Variants in RBBP6 observed in about 807,000 individuals in gnomAD.
RBBP6 encodes the protein E3 ubiquitin-protein ligase RBBP6.
Under a neutral mutation model 167.7 loss-of-function variants are expected in RBBP6, and 25 were observed. The observed-to-expected ratio is 0.15, with a 90% CI of 0.11 to 0.21. The LOEUF is 0.21. RBBP6 is among the 10% of genes least tolerant of loss of function. RBBP6 has a pLI of 1.00. For missense variants in RBBP6, 1,868 were observed against 2,134.2 expected (o/e 0.88, Z 2.46); for synonymous variants, 789 against 735.8 (o/e 1.07, Z -1.17).
At chr16:24,550,365 TTTTTTG>T (rs1456339935) in intron 3 of RBBP6, among the ~76,000 whole-genome samples, 84 of 132,022 alleles carry the variant, frequency 6.4e-4, no homozygotes, top group Non-Finnish European at 1.4e-3. Flanking sequence ...TTTTTTTTGT[TTTTTTG>T]TTTTTTTTTT....
intron 8 of RBBP6, among the ~76,000 whole-genome samples, chr16:24,560,079 G>T (rs1041694055): frequency 6.8e-6 from 1 of 147,304 alleles, no homozygotes; most frequent in South Asian, 2.2e-4. Flanking sequence ...ATTTCTAAGT[G>T]TATTAACACC....
At chr16:24,553,420 A>T (rs2141463294) in intron 3 of RBBP6, 93 bp from the exon 4 acceptor site, 1 of 1,051,618 alleles carries the variant, frequency 9.5e-7, no homozygotes, top group Non-Finnish European at 1.4e-6. Context: ...AATGCCCAAT[A>T]TTTCAACATT....
Position 24,569,564 on chromosome 16 carries a change from G to A in RBBP6, c.2874G>A (p.Arg958=), listed in dbSNP as rs35016549. 1.2e-3 allele frequency: 1,951 copies of A among 1,612,308 alleles called. 2 individuals carry two copies. Among genetic ancestry groups the A allele is most frequent in the Non-Finnish European group, 1.4e-3 (1,699 of 1,179,562 alleles). The change falls in exon 17 of 18, where the codon AGG becomes AGA. Residue 958 remains arginine, a synonymous_variant. Transcript: ENST00000319715. ...ACCCAGAGTTATTAGAGACTTCTAG[G>A]AAATCAAGAGAACCTACAGGTGTTG... The part of the protein sequence containing the change: ...FLNPELLETS[R]KSREPTGVEE...
At position 24,539,633 on chromosome 16, in the gene RBBP6, G is replaced by C. The variant is rs1567267914; in HGVS notation, c.-994G>C. The C allele has an allele frequency of 6.6e-6, 1 of 152,188 alleles. No homozygotes were observed. Among genetic ancestry groups the C allele is most frequent in the Non-Finnish European group, 1.5e-5 (1 of 68,068 alleles). The allele number at this position is 152,188 out of a possible 1,614,324, so 9.4% of individuals were successfully genotyped here. A position where few individuals can be genotyped will look rare whatever the true frequency, so the allele number is the denominator to read the frequency against. On this transcript the variant is annotated 5_prime_UTR_variant, in exon 1 of 18. Transcript: ENST00000319715. Reference sequence around the variant, plus strand: ...TACCTGGCTTGGAGGTGTCGCCGCCGCTCGGTGAGAGCCCCCGAGCGGCAG... The same window carrying C: ...TACCTGGCTTGGAGGTGTCGCCGCCCCTCGGTGAGAGCCCCCGAGCGGCAG...
rs1898464841 is a variant in RBBP6, at chr16:24,540,770, C to T, written c.144C>T (p.Ile48=). The T allele has an allele frequency of 6.2e-7, 1 of 1,613,268 alleles. No homozygotes were observed. The highest frequency in any genetic ancestry group is 1.7e-5 in the Admixed American group (1 of 59,812). ...KLKAADCDLQ[I]TNAQTKEEYT... is the part of the protein sequence containing the mutation. ...AAGCTGCCGACTGCGACCTGCAGATCACCAATGCGCAGACGAAAGAAGGTA... is the reference window on the plus strand; with the variant it reads ...AAGCTGCCGACTGCGACCTGCAGATTACCAATGCGCAGACGAAAGAAGGTA... Residue 48 remains isoleucine (I), a synonymous_variant, in exon 1 of 18, where the codon ATC becomes ATT. Transcript: ENST00000319715.
At position 24,572,492 on chromosome 16, in the gene RBBP6, A is replaced by G. The variant is rs1427202602; in HGVS notation, c.*47A>G. 6.1e-6 allele frequency: 9 copies of G among 1,481,928 alleles called. No individual in the cohort carries two copies. Among genetic ancestry groups the G allele is most frequent in the South Asian group, 1.4e-5 (1 of 70,646 alleles). The allele number at this position is 1,481,928 out of a possible 1,614,324, so 91.8% of individuals were successfully genotyped here. ...ACTTAATTACTAAGTCATCTGTATTAAATTTTGTTATAATGTAAAGAGATT... is the reference window on the plus strand; with the variant it reads ...ACTTAATTACTAAGTCATCTGTATTGAATTTTGTTATAATGTAAAGAGATT... On this transcript the variant is annotated 3_prime_UTR_variant, in exon 18 of 18. Coordinates refer to ENST00000319715, the MANE Select transcript of RBBP6 (RefSeq NM_006910.5).
Position 24,540,502 on chromosome 16 carries a change from G to A in RBBP6, c.-125G>A. The A allele has an allele frequency of 1.1e-6, 1 of 941,172 alleles. No individual in the cohort carries two copies. Among genetic ancestry groups the A allele is most frequent in the Non-Finnish European group, 1.6e-6 (1 of 641,912 alleles). 58.3% of individuals were successfully genotyped at this position (941,172 alleles called of 1,614,324 possible). A position where few individuals can be genotyped will look rare whatever the true frequency, so the allele number is the denominator to read the frequency against. On this transcript the variant is annotated 5_prime_UTR_variant, in exon 1 of 18. Coordinates refer to ENST00000319715, the MANE Select transcript of RBBP6 (RefSeq NM_006910.5). ...GTGGTTGGGGGGTATTTAATCTGAG[G>A]CCTTAGGGTCCTTCGGTGTCTTTGA...
chr16:24,562,101 C>G lies in RBBP6; in HGVS notation c.1229C>G (p.Pro410Arg), dbSNP rs1899075053. 4 of 1,613,450 alleles carry G rather than the reference C, an allele frequency of 2.5e-6. No individual in the cohort carries two copies. The highest frequency in any genetic ancestry group is 3.4e-6 in the Non-Finnish European group (4 of 1,179,626). ...CCGTCTTCTGCTCCAGCTCCTGTAC[C>G]TGATATAACTGCAACAGTATCCATA... Reference protein sequence around the residue: ...GNPSSAPAPVPDITATVSISV... With the variant: ...GNPSSAPAPVRDITATVSISV... Residue 410 changes from proline (P) to arginine (R), a missense_variant, in exon 10 of 18, where the codon CCT becomes CGT. Pro to Arg is a moderately radical substitution (Grantham distance 103, BLOSUM62 -2). This residue lies in a region of RBBP6 where 245 missense variants were observed against 240.1 expected (regional missense o/e 1.02). Coordinates refer to ENST00000319715, the MANE Select transcript of RBBP6 (RefSeq NM_006910.5).
At chr16:24,548,919 A>G in intron 2 of RBBP6, 26 bp from the exon 3 acceptor site, 1 of 1,576,644 alleles carries the variant, frequency 6.3e-7, no homozygotes, top group Non-Finnish European at 8.7e-7. Context: ...GCTAATGTTA[A>G]TTTTTGTTTT....
At position 24,561,814 on chromosome 16, in the gene RBBP6, G is replaced by GTATC; in HGVS notation, c.952-8_952-5dup. The GTATC allele has an allele frequency of 6.2e-7, 1 of 1,607,932 alleles. No homozygotes were observed. The highest frequency in any genetic ancestry group is 1.1e-5 in the South Asian group (1 of 90,758). Reference sequence around the variant, plus strand: ...ACATTTTTCTGCATTATTATGCTTGGTATCTGTAGGCTGTAAATAACTTCA... The same window carrying GTATC: ...ACATTTTTCTGCATTATTATGCTTGGTATCTATCTGTAGGCTGTAAATAACTTCA... On this transcript the variant is annotated splice_polypyrimidine_tract_variant and intron_variant, in intron 9 of 17. Coordinates refer to ENST00000319715, the MANE Select transcript of RBBP6 (RefSeq NM_006910.5).
At position 24,570,962 on chromosome 16, in the gene RBBP6, A is replaced by AT; in HGVS notation, c.3897dup (p.Asn1300Ter). ...ACTGTGATTAAAACGATGGAAGAAT[A>AT]TAATAATGACAATACCGCGCCAGCT... On this transcript the variant is annotated frameshift_variant, in exon 18 of 18. Transcript: ENST00000319715. LOFTEE classifies it high-confidence loss of function. 6.2e-7 allele frequency: 1 copy of AT among 1,610,346 alleles called. No homozygotes were observed. The highest frequency in any genetic ancestry group is 8.5e-7 in the Non-Finnish European group (1 of 1,176,968).
rs942710378 is a variant in RBBP6 at position 24,569,582 on chromosome 16, A to G, written c.2892A>G (p.Thr964=). ...CTTCTAGGAAATCAAGAGAACCTACAGGTGTTGAAGAAAATAAAACAGACT... is the reference window on the plus strand; with the variant it reads ...CTTCTAGGAAATCAAGAGAACCTACGGGTGTTGAAGAAAATAAAACAGACT... The part of the protein sequence containing the change: ...LETSRKSREP[T]GVEENKTDSL... Residue 964 remains threonine (T), a synonymous_variant, in exon 17 of 18, where the codon ACA becomes ACG. Transcript: ENST00000319715. 2.5e-6 allele frequency: 4 copies of G among 1,612,676 alleles called. No individual in the cohort carries two copies. The African/African-American group carries it at 5.3e-5, about 22-fold the overall frequency.
chr16:24,570,900 T>A lies in RBBP6; in HGVS notation c.3834T>A (p.Pro1278=). Residue 1278 remains proline, a synonymous_variant, in exon 18 of 18, where the codon CCT becomes CCA. Transcript: ENST00000319715. ...YTSTSSTGGS[P]VRKSEEKTDT... is the part of the protein sequence containing the mutation. ...GTACGAGCTCAACTGGAGGCAGTCC[T>A]GTGCGGAAATCTGAAGAAAAAACAG... is the stretch of plus-strand genomic sequence containing the variant. The A allele has an allele frequency of 2.5e-6, 4 of 1,578,184 alleles. No homozygotes were observed. The highest frequency in any genetic ancestry group is 3.5e-6 in the Non-Finnish European group (4 of 1,156,376).
chr16:24,568,998 T>G lies in RBBP6; in HGVS notation c.2308T>G (p.Ser770Ala). 1 of 1,614,142 alleles carries G rather than the reference T, an allele frequency of 6.2e-7. No homozygotes were observed. ...SPPYRRYHSR[S>A]RSPQAFRGQS... The stretch of plus-strand genomic sequence containing the variant: ...CCCTTACAGACGCTATCATTCACGA[T>G]CAAGATCTCCTCAAGCGTTTAGGGG... Residue 770 changes from serine (S) to alanine (A), a missense_variant, in exon 17 of 18, where the codon TCA becomes GCA. Ser to Ala is a moderately conservative substitution (Grantham distance 99, BLOSUM62 1). Transcript: ENST00000319715.
rs1359234278 is a variant in RBBP6 at position 24,571,787 on chromosome 16, T to C, written c.4721T>C (p.Leu1574Ser). 4.3e-6 allele frequency: 7 copies of C among 1,613,814 alleles called. No homozygotes were observed. Among genetic ancestry groups the C allele is most frequent in the Non-Finnish European group, 5.9e-6 (7 of 1,179,890 alleles). ...TGTAAGGATCGTGAGAAGCATGTAT[T>C]AGAAGCAAGGAACAATAAAGAGTCA... Reference protein sequence around the residue: ...NPCKDREKHVLEARNNKESSG... With the variant: ...NPCKDREKHVSEARNNKESSG... The change falls in exon 18 of 18, where the codon TTA becomes TCA. Residue 1574 changes from leucine to serine, a missense_variant. This residue lies in a region of RBBP6 where 591 missense variants were observed against 540.5 expected (regional missense o/e 1.09). Transcript: ENST00000319715.
intron 1 of RBBP6, among the ~76,000 whole-genome samples, chr16:24,544,315 C>A (rs1362383439): frequency 6.6e-6 from 1 of 152,080 alleles, no homozygotes; most frequent in South Asian, 2.1e-4. Flanking sequence ...CATGAACTGT[C>A]CAAGATAAAG....
In RBBP6 at chr16:24,564,739, G is replaced by A. The variant is rs945037377; in HGVS notation, c.1521-58G>A. Reference sequence around the variant, plus strand: ...GTGTCTTAACAGCTATGCATGGAAAGGTCATGTATTATACCCATGGAGAAA... The same window carrying A: ...GTGTCTTAACAGCTATGCATGGAAAAGTCATGTATTATACCCATGGAGAAA... On this transcript the variant is annotated intron_variant, in intron 13 of 17. Coordinates refer to ENST00000319715, the MANE Select transcript of RBBP6 (RefSeq NM_006910.5). 5 of 1,566,834 alleles carry A rather than the reference G, an allele frequency of 3.2e-6. No homozygotes were observed. In the East Asian group the frequency reaches 6.9e-5, roughly 22 times the overall value.
chr16:24,543,558 C>G (rs1049547866), intron 1 of RBBP6, among the ~76,000 whole-genome samples: 2 of 152,028 alleles, frequency 1.3e-5, no homozygotes, highest in Non-Finnish European at 2.9e-5. Flanking sequence ...CTCCCAAGGC[C>G]ATCCCAAAGT....
chr16:24,570,071 A>C lies in RBBP6; in HGVS notation c.3381A>C (p.Glu1127Asp). Residue 1127 changes from glutamate to aspartate, a missense_variant, in exon 17 of 18, where the codon GAA (glutamate) becomes GAC (aspartate). Around this residue, in one of 7 missense-constraint regions of RBBP6, gnomAD observed 673 missense variants for 691.5 expected, o/e 0.97. Coordinates refer to ENST00000319715, the MANE Select transcript of RBBP6 (RefSeq NM_006910.5). ...AATCAGAAAAGCTAACAACTAAGGA[A>C]GAAAAGGCCAAGAAGCCTAATGAGA... ...DVKSEKLTTK[E>D]EKAKKPNEKN... is the part of the protein sequence containing the mutation. The C allele has an allele frequency of 6.2e-7, 1 of 1,608,420 alleles. No homozygotes were observed. Among genetic ancestry groups the C allele is most frequent in the Non-Finnish European group, 8.5e-7 (1 of 1,178,826 alleles).
Sources: allele counts gnomAD v4.1 joint callset (sites outside exome capture counted in the v4.1 genomes callset), GRCh38; gene constraint gnomAD v4.1.1; regional missense constraint gnomAD v4.1.1; transcripts MANE v1.5; gene names NCBI Gene and HGNC (gene_info 2026-07-23, HGNC 2026-07-21).